Variants in NPIPB7 observed in about 807,000 individuals in gnomAD.
NPIPB7 encodes the protein nuclear pore complex interacting protein family member B7, also known as nuclear pore complex-interacting protein family member B7.
For missense variants in NPIPB7, 14 were observed against 238.5 expected (o/e 0.06, Z 6.20); for synonymous variants, 9 against 88.1 (o/e 0.10, Z 5.03).
intron 2 of NPIPB7, among the ~76,000 whole-genome samples, chr16:28,465,139 C>T (rs1252831634): frequency 9.3e-6 from 1 of 106,982 alleles, no homozygotes; most frequent in South Asian, 4.2e-4. Context: ...TTGTCCAAGT[C>T]CAGCAGCTCA....
At chr16:28,463,596 C>G (rs2045885644) in intron 2 of NPIPB7, among the ~76,000 whole-genome samples, 2 of 145,550 alleles carry the variant, frequency 1.4e-5, no homozygotes, top group African/African-American at 2.6e-5. Context: ...CATGGTGGTG[C>G]ATGCCTGTAG....
chr16:28,465,560 G>A (rs1296568307), intron 2 of NPIPB7, among the ~76,000 whole-genome samples: 4 of 143,782 alleles, frequency 2.8e-5, no homozygotes, highest in Non-Finnish European at 6.1e-5. Flanking sequence ...GGACTAAGTG[G>A]CATAGAGAAT....
At chr16:28,463,779 G>A (rs375893565) in intron 2 of NPIPB7, among the ~76,000 whole-genome samples, 42 of 123,664 alleles carry the variant, frequency 3.4e-4, no homozygotes, top group South Asian at 8.9e-4. Context: ...GCTCACGCCT[G>A]TAATCCCAGC....
At chr16:28,464,033 CAA>C (rs1221794474) in intron 2 of NPIPB7, among the ~76,000 whole-genome samples, 3 of 26,024 alleles carry the variant, frequency 1.2e-4, no homozygotes, top group African/African-American at 3.6e-4. Flanking sequence ...GACTCCGTCT[CAA>C]AAAAAAAAAA....
At chr16:28,470,558 G>A (rs1349232898), upstream of NPIPB7, 4 of 121,934 alleles carry the variant, frequency 3.3e-5, no homozygotes, top group African/African-American at 1.3e-4. Context: ...GGGGAGGGGA[G>A]GGGGAGGGGA....
rs1311200613 is a variant in NPIPB7 at position 28,462,127 on chromosome 16, A to G, written c.545+547T>C. On this transcript the variant is annotated intron_variant, in intron 4 of 6. Coordinates refer to ENST00000452313, the Ensembl canonical transcript of NPIPB7. ...GCGAGATTCTATCTCAAAATTTAAA[A>G]AAAAAAAAAAGGCTGGGTGTGGTGG... is the stretch of plus-strand genomic sequence containing the variant. 2.0e-5 allele frequency among the ~76,000 whole-genome samples: 3 copies of G among 150,254 alleles called. No individual in the cohort carries two copies. In the East Asian group the frequency reaches 6.0e-4, roughly 30 times the overall value.
upstream of NPIPB7, chr16:28,470,658 G>T (rs1381650797): frequency 1.5e-5 from 5 of 325,522 alleles, no homozygotes; most frequent in Non-Finnish European, 2.3e-5. Flanking sequence ...GGGGAAGGGG[G>T]GAAGTAAGGG....
upstream of NPIPB7, among the ~76,000 whole-genome samples, chr16:28,471,763 T>C (rs2045951924): frequency 6.9e-6 from 1 of 145,150 alleles, no homozygotes; most frequent in Admixed American, 7.1e-5. Flanking sequence ...AACCGAGTGA[T>C]GATGTCCTTA....
chr16:28,463,880 C>CA (rs2045888280), intron 2 of NPIPB7, among the ~76,000 whole-genome samples: 1 of 98,292 alleles, frequency 1.0e-5, no homozygotes, highest in Non-Finnish European at 2.1e-5. Flanking sequence ...ACTAAAAATA[C>CA]AAAAATTAGC....
intron 1 of NPIPB7, among the ~76,000 whole-genome samples, chr16:28,468,419 A>T (rs1255892163): frequency 6.7e-6 from 1 of 149,566 alleles, no homozygotes; most frequent in African/African-American, 2.4e-5. Context: ...GATTATATGA[A>T]TCTTTGTCAT....
At chr16:28,463,553 G>A (rs1232624994) in intron 2 of NPIPB7, among the ~76,000 whole-genome samples, 1 of 140,730 alleles carries the variant, frequency 7.1e-6, no homozygotes, top group Non-Finnish European at 1.5e-5. Flanking sequence ...ATGGAGAAAC[G>A]CTGTCTCTGC....
intron 4 of NPIPB7, among the ~76,000 whole-genome samples, chr16:28,462,053 G>C (rs2045874004): frequency 6.7e-6 from 1 of 148,614 alleles, no homozygotes; most frequent in East Asian, 2.0e-4. Context: ...GGAGGCAGAG[G>C]TTGCAGTGAG....
upstream of NPIPB7, among the ~76,000 whole-genome samples, chr16:28,472,115 TG>T (rs1181506284): frequency 6.6e-6 from 1 of 152,166 alleles, no homozygotes; most frequent in Non-Finnish European, 1.5e-5. Context: ...GTTGTATTGG[TG>T]TAAGAATAAA....
At chr16:28,468,536 T>G (rs1264320343) in intron 1 of NPIPB7, among the ~76,000 whole-genome samples, 3 of 142,528 alleles carry the variant, frequency 2.1e-5, no homozygotes, top group Non-Finnish European at 4.6e-5. Context: ...GGGCCGGGTG[T>G]GGTGGCTCAC....
At chr16:28,463,738 A>G (rs1277740438) in intron 2 of NPIPB7, among the ~76,000 whole-genome samples, 212 of 119,638 alleles carry the variant, frequency 1.8e-3, no homozygotes, top group African/African-American at 5.7e-3. Context: ...AAAAAAAAAA[A>G]AAAAAAAAAA....
intron 2 of NPIPB7, among the ~76,000 whole-genome samples, chr16:28,463,400 C>CAG (rs1394122850): frequency 3.6e-4 from 33 of 91,946 alleles, no homozygotes; most frequent in African/African-American, 1.4e-3. Context: ...CACACACACA[C>CAG]ACACACACAC....
intron 2 of NPIPB7, among the ~76,000 whole-genome samples, chr16:28,463,369 C>A (rs1439749959): frequency 2.6e-5 from 3 of 114,456 alleles, no homozygotes; most frequent in South Asian, 3.0e-4. Flanking sequence ...CCAGCCTGAG[C>A]GACAGAATGA....
chr16:28,468,706 C>T (rs1168487439), intron 1 of NPIPB7, among the ~76,000 whole-genome samples: 1 of 136,616 alleles, frequency 7.3e-6, no homozygotes, highest in Non-Finnish European at 1.6e-5. Flanking sequence ...ACTTGGGAGG[C>T]TGAGGCAGAA....
chr16:28,456,520 G>GTCCTCCCTCT lies in NPIPB7; in HGVS notation c.1148_1149insAGAGGGAGGA (p.Ala385GlyfsTer17), dbSNP rs2045847563. The GTCCTCCCTCT allele has an allele frequency of 2.6e-6, 1 of 387,050 alleles. No homozygotes were observed. Among genetic ancestry groups the GTCCTCCCTCT allele is most frequent in the African/African-American group, 9.2e-5 (1 of 10,858 alleles). The allele number at this position is 387,050 out of a possible 1,614,324, so 24.0% of individuals were successfully genotyped here. Reference sequence around the variant, plus strand: ...TGGGTTTGGGTAATTGTTGTGCCTCGGCCTCCCTCTGCCTCTTGGGCTTGG... The same window carrying GTCCTCCCTCT: ...TGGGTTTGGGTAATTGTTGTGCCTCGTCCTCCCTCTGCCTCCCTCTGCCTCTTGGGCTTGG... On this transcript the variant is annotated frameshift_variant, in exon 7 of 7. Coordinates refer to ENST00000452313, the Ensembl canonical transcript of NPIPB7. LOFTEE classifies it high-confidence loss of function.
Sources: allele counts gnomAD v4.1 joint callset (sites outside exome capture counted in the v4.1 genomes callset), GRCh38; gene constraint gnomAD v4.1.1; transcripts MANE v1.5; gene names NCBI Gene and HGNC (gene_info 2026-07-23, HGNC 2026-07-21).